RAB38: variants seen among roughly 807,000 people sequenced by gnomAD.
RAB38 encodes ras-related protein Rab-38.
RAB38 carries 15 observed loss-of-function variants against 18.4 expected under a neutral mutation model. The ratio of observed to expected loss-of-function variants is 0.82; its 90% CI spans 0.55 to 1.26. RAB38 has a LOEUF of 1.26. Among genes scored for constraint, RAB38 ranks in the 50% most tolerant of loss-of-function variants. The pLI is 0.00. For missense variants in RAB38, 294 were observed against 267.4 expected (o/e 1.10, Z -0.69); for synonymous variants, 101 against 104.4 (o/e 0.97, Z 0.20).
At chr11:88,127,232 A>T (rs1486871962) in intron 2 of RAB38, among the ~76,000 whole-genome samples, 1 of 152,232 alleles carries the variant, frequency 6.6e-6, no homozygotes, top group Non-Finnish European at 1.5e-5. Context: ...GCTGGAATGC[A>T]TGAGGGGAAC....
In RAB38 at chr11:88,148,859, G is replaced by A. The variant is rs146249700; in HGVS notation, c.483+816C>T. Among the ~76,000 whole-genome samples the A allele has an allele frequency of 1.1e-3, 167 of 152,004 alleles. 1 individual carries two copies. The highest frequency in any genetic ancestry group is 4.0e-3 in the African/African-American group (164 of 41,472). On this transcript the variant is annotated intron_variant, in intron 2 of 2. Transcript: ENST00000243662. ...ACACACAAAAATCAAAAGCAAAAAT[G>A]GTTATTCTTTTAAAATTTTAGTTAT... is the stretch of plus-strand genomic sequence containing the variant.
chr11:87,951,991 G>C, the RAB38 span, among the ~76,000 whole-genome samples: 1 of 152,038 alleles, frequency 6.6e-6, no homozygotes, highest in Non-Finnish European at 1.5e-5. Context: ...GACAGGAGCT[G>C]TTCCTATTCG....
chr11:87,955,138 A>G, the RAB38 span, among the ~76,000 whole-genome samples: 6 of 152,138 alleles, frequency 3.9e-5, no homozygotes, highest in Non-Finnish European at 7.4e-5. Context: ...GACTCCCACA[A>G]GAAGTCCATG....
the RAB38 span, among the ~76,000 whole-genome samples, chr11:87,965,874 T>C: frequency 1.9e-4 from 29 of 152,270 alleles, no homozygotes; most frequent in Admixed American, 1.6e-3. Context: ...TAAGGCAGCT[T>C]TGACCTCAAG....
At chr11:87,839,110 C>T in the RAB38 span, among the ~76,000 whole-genome samples, 3 of 152,090 alleles carry the variant, frequency 2.0e-5, no homozygotes, top group Admixed American at 6.6e-5. Flanking sequence ...AGGAGCCTAG[C>T]GAAAGATCCT....
intron 2 of RAB38, among the ~76,000 whole-genome samples, chr11:88,139,522 G>A (rs779364167): frequency 6.6e-5 from 10 of 152,156 alleles, no homozygotes; most frequent in Non-Finnish European, 1.5e-4. Context: ...AAGAAACTGT[G>A]CCCTCTATTA....
At chr11:87,947,329 T>G in the RAB38 span, among the ~76,000 whole-genome samples, 1 of 152,152 alleles carries the variant, frequency 6.6e-6, no homozygotes, top group Non-Finnish European at 1.5e-5. Context: ...TTTCTCCCAT[T>G]CTGTAGGCTG....
At chr11:87,884,976 C>T in the RAB38 span, among the ~76,000 whole-genome samples, 1 of 151,908 alleles carries the variant, frequency 6.6e-6, no homozygotes, top group Non-Finnish European at 1.5e-5. Context: ...CCTACCTTTA[C>T]ATTAGATACA....
the RAB38 span, among the ~76,000 whole-genome samples, chr11:87,950,004 A>G: frequency 8.5e-5 from 13 of 152,308 alleles, no homozygotes; most frequent in Admixed American, 4.6e-4. Context: ...AAAGTCTCCC[A>G]TTATTAATGT....
At chr11:88,146,400 A>G (rs997652372) in intron 2 of RAB38, among the ~76,000 whole-genome samples, 4 of 152,198 alleles carry the variant, frequency 2.6e-5, no homozygotes, top group Admixed American at 1.3e-4. Context: ...GGTATTTATC[A>G]CCAGACATTA....
At chr11:87,884,934 T>C in the RAB38 span, among the ~76,000 whole-genome samples, 1 of 151,162 alleles carries the variant, frequency 6.6e-6, no homozygotes, top group Non-Finnish European at 1.5e-5. Flanking sequence ...AACATTTAAC[T>C]GTGGGTTTGC....
the RAB38 span, among the ~76,000 whole-genome samples, chr11:87,976,660 A>G: frequency 8.6e-6 from 1 of 115,756 alleles, no homozygotes; most frequent in Non-Finnish European, 1.7e-5. Flanking sequence ...ATAAATATAT[A>G]TAATTTTATA....
the RAB38 span, among the ~76,000 whole-genome samples, chr11:88,068,845 A>G: frequency 6.6e-6 from 1 of 152,210 alleles, no homozygotes; most frequent in African/African-American, 2.4e-5. Flanking sequence ...GCAATTTGCT[A>G]AGTTCACATC....
At chr11:88,157,927 T>C (rs945670677) in intron 1 of RAB38, among the ~76,000 whole-genome samples, 75 of 151,610 alleles carry the variant, frequency 4.9e-4, no homozygotes, top group African/African-American at 1.8e-3. Flanking sequence ...AACACTAAAA[T>C]CAGAGCAGAA....
At position 88,175,381 on chromosome 11, in the gene RAB38, G is replaced by A. The variant is rs375786452; in HGVS notation, c.4C>T (p.Gln2Ter). Residue 2 changes from glutamine to a stop codon, truncating the protein, a stop_gained, in exon 1 of 3, where the codon CAG (glutamine) becomes TAG (stop). Transcript: ENST00000243662. LOFTEE classifies it high-confidence loss of function. ...TACAGGTGCTCCTTGTGCGGGGCCT[G>A]CATCCTGGCGGCCGGCCAGACGTGC... M[Q>*]APHKEHLYKL... 8.7e-6 allele frequency: 14 copies of A among 1,613,970 alleles called. No individual in the cohort carries two copies. Among genetic ancestry groups the A allele is most frequent in the Non-Finnish European group, 1.2e-5 (14 of 1,180,018 alleles).
intron 2 of RAB38, among the ~76,000 whole-genome samples, chr11:88,127,742 T>C (rs1006040801): frequency 6.6e-6 from 1 of 152,190 alleles, no homozygotes; most frequent in South Asian, 2.1e-4. Context: ...TAAGGTATTA[T>C]CCTCTCTGAT....
chr11:88,157,766 A>C (rs894103481), intron 1 of RAB38, among the ~76,000 whole-genome samples: 36 of 152,176 alleles, frequency 2.4e-4, no homozygotes, highest in African/African-American at 8.2e-4. Context: ...ATAAAGGATA[A>C]TTTTTAAAAA....
chr11:88,016,626 C>A, the RAB38 span, among the ~76,000 whole-genome samples: 2 of 152,134 alleles, frequency 1.3e-5, no homozygotes, highest in African/African-American at 4.8e-5. Context: ...AGCACTAATA[C>A]TTATAGATGA....
the RAB38 span, among the ~76,000 whole-genome samples, chr11:87,821,455 G>T: frequency 7.2e-5 from 11 of 152,110 alleles, no homozygotes; most frequent in Non-Finnish European, 1.0e-4. Flanking sequence ...AAATTCTTAA[G>T]GATATTTTTA....
Sources: gnomAD v4.1 joint callset for allele counts (sites outside exome capture counted in the v4.1 genomes callset) on GRCh38, gnomAD v4.1.1 for gene constraint, MANE v1.5 for transcripts, NCBI Gene and HGNC (gene_info 2026-07-23, HGNC 2026-07-21) for gene names.